The following COL22A1 variants were observed in gnomAD, a reference collection of about 807,000 sequenced individuals.
The protein encoded by COL22A1 is collagen type XXII alpha 1 chain, also known as collagen alpha-1(XXII) chain.
In COL22A1, 221 loss-of-function variants were observed where a neutral mutation model predicts 248.9. The ratio of observed to expected loss-of-function variants is 0.89; its 90% CI spans 0.80 to 0.99. COL22A1 has a LOEUF of 0.99. Among genes scored for constraint, COL22A1 ranks in the 50% least tolerant of loss-of-function variants. The probability of loss-of-function intolerance (pLI) is 0.00; values close to 1 mark genes in which losing one functional copy is unlikely to be tolerated. For missense variants in COL22A1, 2,240 were observed against 2,179.0 expected (o/e 1.03, Z -0.56); for synonymous variants, 891 against 793.4 (o/e 1.12, Z -2.07).
chr8:138,797,475 T>C (rs1227674537), intron 11 of COL22A1, among the ~76,000 whole-genome samples: 2 of 152,244 alleles, frequency 1.3e-5, no homozygotes, highest in African/African-American at 4.8e-5. Flanking sequence ...GCATATGACA[T>C]ACATTTTCTT....
At chr8:138,890,340 C>A (rs1824969583) in intron 1 of COL22A1, among the ~76,000 whole-genome samples, 1 of 152,192 alleles carries the variant, frequency 6.6e-6, no homozygotes, top group African/African-American at 2.4e-5. Context: ...TTTGCCGTAT[C>A]TACTCAACAT....
At chr8:138,770,184 G>A (rs1295211614) in intron 16 of COL22A1, among the ~76,000 whole-genome samples, 1 of 152,174 alleles carries the variant, frequency 6.6e-6, no homozygotes, top group Non-Finnish European at 1.5e-5. Flanking sequence ...GTCAGGGCAG[G>A]ACACCTGGGG....
chr8:138,721,946 A>G, intron 26 of COL22A1, 90 bp downstream of exon 26: 1 of 1,027,588 alleles, frequency 9.7e-7, no homozygotes, highest in South Asian at 1.4e-5. Context: ...CAGGCAATTG[A>G]CTTGTTGTAG....
At chr8:138,671,692 A>G (rs745578014) in intron 41 of COL22A1, among the ~76,000 whole-genome samples, 17 of 152,258 alleles carry the variant, frequency 1.1e-4, no homozygotes, top group Non-Finnish European at 1.9e-4. Context: ...GAGCAGAGAA[A>G]AGTCGTCATA....
chr8:138,616,751 G>A (rs1241738678), intron 54 of COL22A1, among the ~76,000 whole-genome samples, 163 bp downstream of exon 54: 1 of 152,234 alleles, frequency 6.6e-6, no homozygotes, highest in Admixed American at 6.5e-5. Flanking sequence ...GGTGAGCATG[G>A]TGCTTCAAAG....
chr8:138,871,091 C>G (rs1237371526), intron 3 of COL22A1, among the ~76,000 whole-genome samples: 2 of 152,028 alleles, frequency 1.3e-5, no homozygotes, highest in Non-Finnish European at 2.9e-5. Flanking sequence ...GATTCCTGTA[C>G]AAGACTCTTG....
At chr8:138,688,862 C>T in intron 37 of COL22A1, 55 bp downstream of exon 37, 1 of 1,469,628 alleles carries the variant, frequency 6.8e-7, no homozygotes, top group Non-Finnish European at 9.5e-7. Flanking sequence ...TCCTTCAGTG[C>T]CTGTAAGAAG....
intron 35 of COL22A1, among the ~76,000 whole-genome samples, chr8:138,691,697 T>C (rs1035551791): frequency 1.2e-3 from 69 of 57,586 alleles, no homozygotes; most frequent in East Asian, 2.5e-3. Context: ...CATGTGTGCA[T>C]ATTTGTGGAG....
At chr8:138,707,492 C>T (rs1347739797) in intron 30 of COL22A1, among the ~76,000 whole-genome samples, 1 of 152,296 alleles carries the variant, frequency 6.6e-6, no homozygotes, top group Non-Finnish European at 1.5e-5. Context: ...ATATGCAAAT[C>T]AATAAATGTA....
At chr8:138,722,001 T>C in intron 26 of COL22A1, 35 bp downstream of exon 26, 3 of 1,537,312 alleles carry the variant, frequency 2.0e-6, no homozygotes, top group Middle Eastern at 1.7e-4. Flanking sequence ...GTGTTTTGGG[T>C]TCCCAAACTG....
chr8:138,634,098 T>C (rs1820947258), intron 49 of COL22A1, among the ~76,000 whole-genome samples: 1 of 152,312 alleles, frequency 6.6e-6, no homozygotes, highest in East Asian at 1.9e-4. Flanking sequence ...TCGGATTTTA[T>C]TGAAAATATA....
At chr8:138,700,988 C>CAAAAAAAAA (rs5895554) in intron 31 of COL22A1, among the ~76,000 whole-genome samples, 3 of 54,700 alleles carry the variant, frequency 5.5e-5, no homozygotes, top group Admixed American at 2.5e-4. Context: ...GACTCCGTCT[C>CAAAAAAAAA]AAAAAAAAAA....
intron 4 of COL22A1, among the ~76,000 whole-genome samples, chr8:138,841,694 AAGAGGGC>A (rs1820896007): frequency 6.6e-6 from 1 of 152,118 alleles, no homozygotes; most frequent in Non-Finnish European, 1.5e-5. Flanking sequence ...AAGAGGAGGG[AAGAGGGC>A]AGTGCTGGAG....
chr8:138,855,334 G>T (rs1049747341), intron 3 of COL22A1, among the ~76,000 whole-genome samples: 2 of 152,214 alleles, frequency 1.3e-5, no homozygotes, highest in Non-Finnish European at 2.9e-5. Flanking sequence ...GGCACAGAGA[G>T]GTAAAGCCCC....
chr8:138,655,275 A>G (rs1452805721), intron 45 of COL22A1, among the ~76,000 whole-genome samples: 1 of 152,256 alleles, frequency 6.6e-6, no homozygotes, highest in Admixed American at 6.5e-5. Context: ...GCAGTGCCCA[A>G]TAAGGCAGCC....
chr8:138,688,159 C>T (rs1273695587), intron 37 of COL22A1, among the ~76,000 whole-genome samples: 1 of 122,486 alleles, frequency 8.2e-6, no homozygotes, highest in Non-Finnish European at 1.7e-5. Context: ...GGTGTAGATT[C>T]TCCTTCTTGG....
intron 4 of COL22A1, among the ~76,000 whole-genome samples, chr8:138,834,759 T>G (rs1264764563): frequency 6.6e-6 from 1 of 152,248 alleles, no homozygotes; most frequent in African/African-American, 2.4e-5. Context: ...TTATATTTAC[T>G]GTTTTCTCAT....
chr8:138,656,465 G>T (rs1425028754), intron 44 of COL22A1, among the ~76,000 whole-genome samples: 1 of 152,166 alleles, frequency 6.6e-6, no homozygotes, highest in Non-Finnish European at 1.5e-5. Flanking sequence ...ATTCCAGAAA[G>T]GGTATTTCAG....
intron 11 of COL22A1, among the ~76,000 whole-genome samples, chr8:138,797,838 T>C (rs1563775546): frequency 2.0e-5 from 3 of 152,176 alleles, no homozygotes; most frequent in East Asian, 3.8e-4. Flanking sequence ...TCATGTATTC[T>C]GGGGTTTTGT....
Sources: gnomAD v4.1 joint callset for allele counts (sites outside exome capture counted in the v4.1 genomes callset) on GRCh38, gnomAD v4.1.1 for gene constraint, MANE v1.5 for transcripts, NCBI Gene and HGNC (gene_info 2026-07-23, HGNC 2026-07-21) for gene names.